Variants in HDAC4 observed in about 807,000 individuals in gnomAD.
HDAC4 encodes the protein histone deacetylase 4, also known as histone deacetylase A.
HDAC4 carries 16 observed loss-of-function variants against 135.1 expected under a neutral mutation model. The observed-to-expected ratio is 0.12, with a 90% CI of 0.08 to 0.18. HDAC4 has a LOEUF of 0.18. Ranked by LOEUF, HDAC4 falls within the 10% of genes least tolerant of loss-of-function variation. HDAC4 has a pLI of 1.00. For missense variants in HDAC4, 1,143 were observed against 1,511.8 expected, an observed-to-expected ratio of 0.76 and a Z score of 4.05; for synonymous variants, 685 against 653.4, an observed-to-expected ratio of 1.05 and a Z score of -0.74.
chr2:239,394,858 G>A (rs1407222387), intron 1 of HDAC4, among the ~76,000 whole-genome samples: 2 of 152,230 alleles, frequency 1.3e-5, no homozygotes, highest in East Asian at 1.9e-4. Flanking sequence ...CAAGCACAGG[G>A]TACAGAGCAG....
chr2:239,175,653 G>A (rs1429982427), intron 5 of HDAC4, among the ~76,000 whole-genome samples: 4 of 152,192 alleles, frequency 2.6e-5, no homozygotes, highest in Non-Finnish European at 5.9e-5. Context: ...CCCTCACTGG[G>A]CCGTGGGTCA....
intron 2 of HDAC4, among the ~76,000 whole-genome samples, chr2:239,335,162 A>T (rs148399842): frequency 6.6e-6 from 1 of 152,238 alleles, no homozygotes; most frequent in Non-Finnish European, 1.5e-5. Flanking sequence ...TAGTTAAGAC[A>T]GTGTTGCACT....
chr2:239,154,528 C>T (rs2042303945), intron 7 of HDAC4: 1 of 152,346 alleles, frequency 6.6e-6, no homozygotes, highest in Non-Finnish European at 1.5e-5. Context: ...GGCATCGCTC[C>T]AGTTTCTAGG....
intron 4 of HDAC4, among the ~76,000 whole-genome samples, chr2:239,178,218 T>C (rs191778654): frequency 8.5e-5 from 13 of 152,322 alleles, no homozygotes; most frequent in African/African-American, 3.1e-4. Flanking sequence ...GTCCCGGTCA[T>C]GGTCTGTCTG....
chr2:239,104,783 G>A (rs565575744), intron 15 of HDAC4, among the ~76,000 whole-genome samples: 3 of 152,382 alleles, frequency 2.0e-5, no homozygotes, highest in African/African-American at 7.2e-5. Context: ...ATAAGAGACT[G>A]AATTGCAGAA....
chr2:239,361,342 A>G (rs184712465), intron 1 of HDAC4, among the ~76,000 whole-genome samples: 49 of 152,332 alleles, frequency 3.2e-4, no homozygotes, highest in African/African-American at 1.2e-3. Flanking sequence ...TGGGGGCTAG[A>G]GTTAAGTTTT....
rs1347485859 is a variant in HDAC4, at chr2:239,313,874, G to A, written c.22+38804C>T. ...CAGCCTGGAGCCCAGGGCCTGTCCT[G>A]GGGCAGCCACCTGCACTGCCTCTTA... is the stretch of plus-strand genomic sequence containing the variant. On this transcript the variant is annotated intron_variant, in intron 2 of 26. Transcript: ENST00000543185. This position sits in a 1 kb window ranked among gnomAD's most constrained non-coding sequence, Gnocchi z 5.1. 6.6e-6 allele frequency among the ~76,000 whole-genome samples: 1 copy of A among 152,142 alleles called. No individual in the cohort carries two copies. The highest frequency in any genetic ancestry group is 6.5e-5 in the Admixed American group (1 of 15,278).
chr2:239,235,834 GT>G, intron 3 of HDAC4, among the ~76,000 whole-genome samples: 2 of 152,310 alleles, frequency 1.3e-5, no homozygotes, highest in South Asian at 4.1e-4. Flanking sequence ...GAGCTCAGGA[GT>G]TCAAGACCAG....
In HDAC4 at chr2:239,269,822, C is replaced by G. The variant is rs142579832; in HGVS notation, c.23-33158G>C. ...TGCTCGAAAAGGGAAAAAGTACAAA[C>G]TGTCCACACACAACAGTATAATTAC... On this transcript the variant is annotated intron_variant, in intron 2 of 26. Transcript: ENST00000543185. Among the ~76,000 whole-genome samples, 611 of 152,344 alleles carry G rather than the reference C, an allele frequency of 4.0e-3. 4 individuals carry two copies. The highest frequency in any genetic ancestry group is 0.014 in the African/African-American group (579 of 41,576).
chr2:239,056,613 C>T (rs1051073146), intron 24 of HDAC4, among the ~76,000 whole-genome samples: 3 of 152,244 alleles, frequency 2.0e-5, no homozygotes, highest in Non-Finnish European at 4.4e-5. Context: ...GGAGCAGAGA[C>T]AACTCCTTGA....
intron 19 of HDAC4, among the ~76,000 whole-genome samples, chr2:239,084,973 A>G (rs2035782463): frequency 6.8e-6 from 1 of 147,192 alleles, no homozygotes; most frequent in Non-Finnish European, 1.5e-5. Flanking sequence ...ACATACAAGC[A>G]CACACACACA....
chr2:239,350,780 C>T (rs1337696958), intron 2 of HDAC4, among the ~76,000 whole-genome samples: 2 of 152,162 alleles, frequency 1.3e-5, no homozygotes, highest in South Asian at 4.1e-4. Flanking sequence ...GGGATTACAG[C>T]TGTGGGCCTC....
intron 6 of HDAC4, among the ~76,000 whole-genome samples, chr2:239,158,165 C>G (rs2042545084): frequency 6.6e-6 from 1 of 152,146 alleles, no homozygotes; most frequent in East Asian, 1.9e-4. Flanking sequence ...CCTCGTCTCA[C>G]AATCTCATGA....
rs1421165520 is a variant in HDAC4, at chr2:239,299,569, A to G, written c.22+53109T>C. Among the ~76,000 whole-genome samples, 1 of 152,238 alleles carries G rather than the reference A, an allele frequency of 6.6e-6. No homozygotes were observed. Among genetic ancestry groups the G allele is most frequent in the African/African-American group, 2.4e-5 (1 of 41,464 alleles). On this transcript the variant is annotated intron_variant, in intron 2 of 26. Coordinates refer to ENST00000543185, the MANE Select transcript of HDAC4 (RefSeq NM_001378414.1). The surrounding 1 kb of genome is among the most constrained non-coding windows in gnomAD (Gnocchi z 4.0). ...AGGGCAGCGACACGTGCTTATTTGT[A>G]TTAATGTTTAACAGACTAAGGGCCA...
At chr2:239,377,058 C>G (rs769212948) in intron 1 of HDAC4, among the ~76,000 whole-genome samples, 1 of 152,154 alleles carries the variant, frequency 6.6e-6, no homozygotes, top group African/African-American at 2.4e-5. Context: ...TACCCGTGAG[C>G]GTGCTTCAGA....
rs777282225 is a variant in HDAC4 at position 239,167,025 on chromosome 2, A to G, written c.491-3102T>C. Reference sequence around the variant, plus strand: ...GCTGGTGACAGCGACAGTGAGGATGAGGACCCAGATGGCCAGTTGTTGGAG... The same window carrying G: ...GCTGGTGACAGCGACAGTGAGGATGGGGACCCAGATGGCCAGTTGTTGGAG... On this transcript the variant is annotated intron_variant, in intron 5 of 26. Transcript: ENST00000543185. This position sits in a 1 kb window ranked among gnomAD's most constrained non-coding sequence, Gnocchi z 4.1. 6.6e-6 allele frequency among the ~76,000 whole-genome samples: 1 copy of G among 152,184 alleles called. No homozygotes were observed. The highest frequency in any genetic ancestry group is 1.5e-5 in the Non-Finnish European group (1 of 68,050).
chr2:239,371,435 ACATT>A lies in HDAC4; in HGVS notation c.-219-18521_-219-18518del, dbSNP rs886456862. On this transcript the variant is annotated intron_variant, in intron 1 of 26. Coordinates refer to ENST00000543185, the MANE Select transcript of HDAC4 (RefSeq NM_001378414.1). ...TGCACTTACACAACCTCAAACTCAC[ACATT>A]CAATCACACTTGCACACTCACACCC... Among the ~76,000 whole-genome samples, 742 of 151,990 alleles carry A rather than the reference ACATT, an allele frequency of 4.9e-3. 4 individuals are homozygous for A. Among genetic ancestry groups the A allele is most frequent in the African/African-American group, 0.016 (671 of 41,354 alleles).
chr2:239,111,857 G>T, intron 13 of HDAC4, 145 bp from the exon 14 acceptor site: 1 of 751,574 alleles, frequency 1.3e-6, no homozygotes, highest in Non-Finnish European at 2.2e-6. Flanking sequence ...CCAGCTGCGT[G>T]GAGAGGCCTT....
Position 239,331,483 on chromosome 2 carries a change from G to A in HDAC4, c.22+21195C>T, listed in dbSNP as rs1034862452. Among the ~76,000 whole-genome samples the A allele has an allele frequency of 6.6e-6, 1 of 152,186 alleles. No individual in the cohort carries two copies. Among genetic ancestry groups the A allele is most frequent in the African/African-American group, 2.4e-5 (1 of 41,436 alleles). ...AGTCCACTTTAAAATATGCCCAACA[G>A]TTATTTTACTGCAACATAAAGATGA... is the stretch of plus-strand genomic sequence containing the variant. On this transcript the variant is annotated intron_variant, in intron 2 of 26. Transcript: ENST00000543185. This position sits in a 1 kb window ranked among gnomAD's most constrained non-coding sequence, Gnocchi z 4.5.
Sources: allele counts gnomAD v4.1 joint callset (sites outside exome capture counted in the v4.1 genomes callset), GRCh38; gene constraint gnomAD v4.1.1; non-coding constraint Gnocchi (gnomAD v3.1); transcripts MANE v1.5; gene names NCBI Gene and HGNC (gene_info 2026-07-23, HGNC 2026-07-21).